ASTN2: variants seen among roughly 807,000 people sequenced by gnomAD.
ASTN2 encodes astrotactin-2.
ASTN2 carries 54 observed loss-of-function variants against 139.8 expected under a neutral mutation model. The ratio of observed to expected loss-of-function variants is 0.39; its 90% CI spans 0.31 to 0.48. The LOEUF (loss-of-function observed/expected upper bound fraction) is 0.48. Ranked by LOEUF, ASTN2 falls within the 20% of genes least tolerant of loss-of-function variation. The pLI is 0.95. For synonymous variants in ASTN2, 756 were observed against 719.5 expected (o/e 1.05, Z -0.81); for missense variants, 1,565 against 1,725.1 (o/e 0.91, Z 1.64).
chr9:117,124,328 T>C (rs1321289730), intron 4 of ASTN2, among the ~76,000 whole-genome samples: 1 of 152,146 alleles, frequency 6.6e-6, no homozygotes, highest in Non-Finnish European at 1.5e-5. Context: ...ATTCCTGAAT[T>C]TCATTTAAGG....
intron 13 of ASTN2, among the ~76,000 whole-genome samples, chr9:116,782,477 CA>C (rs1479348019): frequency 3.3e-5 from 5 of 152,158 alleles, no homozygotes; most frequent in Non-Finnish European, 5.9e-5. Context: ...CCCCCTGGCC[CA>C]ACCTAAGAGT....
At chr9:116,543,492 C>G (rs896076571) in intron 19 of ASTN2, among the ~76,000 whole-genome samples, 1 of 151,026 alleles carries the variant, frequency 6.6e-6, no homozygotes, top group Non-Finnish European at 1.5e-5. Context: ...TCATGGTGTA[C>G]AGTAGTTTTG....
chr9:116,605,629 T>G (rs151057967), intron 19 of ASTN2, among the ~76,000 whole-genome samples: 2 of 152,132 alleles, frequency 1.3e-5, no homozygotes, highest in East Asian at 3.9e-4. Context: ...ACTTTAGGGA[T>G]TCACAGAAGC....
chr9:117,376,781 G>C (rs1830136252), intron 1 of ASTN2, among the ~76,000 whole-genome samples: 2 of 152,154 alleles, frequency 1.3e-5, no homozygotes, highest in South Asian at 4.1e-4. Flanking sequence ...TGCCTGTGTG[G>C]TGTCCAACAT....
chr9:116,716,981 G>A (rs10983316), intron 16 of ASTN2, among the ~76,000 whole-genome samples: 2,337 of 152,324 alleles, frequency 0.015, 28 homozygotes, highest in Non-Finnish European at 0.024. Context: ...GCTGTGGTAT[G>A]ACTGAACCAA....
chr9:116,473,324 C>T (rs946596977), intron 20 of ASTN2, among the ~76,000 whole-genome samples: 6 of 152,156 alleles, frequency 3.9e-5, no homozygotes, highest in African/African-American at 1.4e-4. Context: ...ACCATGGTTT[C>T]TAAAACCTAT....
At chr9:116,852,625 G>A (rs981564082) in intron 11 of ASTN2, among the ~76,000 whole-genome samples, 1 of 151,994 alleles carries the variant, frequency 6.6e-6, no homozygotes, top group African/African-American at 2.4e-5. Flanking sequence ...GAGAGAAGCT[G>A]GAGAATACAG....
intron 3 of ASTN2, among the ~76,000 whole-genome samples, chr9:117,156,124 C>G (rs954297489): frequency 6.6e-6 from 1 of 151,982 alleles, no homozygotes; most frequent in East Asian, 1.9e-4. Flanking sequence ...AGTACTAGCA[C>G]CACTTCTAAT....
At chr9:116,617,762 G>A (rs1009913966) in intron 19 of ASTN2, among the ~76,000 whole-genome samples, 1 of 152,228 alleles carries the variant, frequency 6.6e-6, no homozygotes, top group Non-Finnish European at 1.5e-5. Flanking sequence ...ACAGATCACA[G>A]GTGAACGCTT....
At chr9:116,913,535 T>C (rs1468462223) in intron 10 of ASTN2, among the ~76,000 whole-genome samples, 1 of 152,212 alleles carries the variant, frequency 6.6e-6, no homozygotes, top group Admixed American at 6.5e-5. Flanking sequence ...AAGGATGATT[T>C]GGGCATGCTG....
rs752818726 is a variant in ASTN2 at position 116,502,722 on chromosome 9, GGAAGGAAGGAAT to G, written c.3356-15234_3356-15223del. Among the ~76,000 whole-genome samples the G allele has an allele frequency of 4.5e-4, 31 of 68,178 alleles. 2 individuals are homozygous for G. Among genetic ancestry groups the G allele is most frequent in the South Asian group, 1.9e-3 (4 of 2,072 alleles). The allele number at this position is 68,178 out of a possible 152,430, so 44.7% of individuals were successfully genotyped here. A position where few individuals can be genotyped will look rare whatever the true frequency, so the allele number is the denominator to read the frequency against. ...AGGAAGGAAGGAAGGAAGGAAGGAA[GGAAGGAAGGAAT>G]GAATGAATGAATGAGGGAAGGAAGG... On this transcript the variant is annotated intron_variant, in intron 19 of 22. Transcript: ENST00000313400.
chr9:116,480,533 C>T (rs2119054324), intron 20 of ASTN2, among the ~76,000 whole-genome samples: 1 of 152,218 alleles, frequency 6.6e-6, no homozygotes. Context: ...GACCTTGGTC[C>T]AATGTCCTTC....
At chr9:117,316,862 C>T (rs1008341985) in intron 1 of ASTN2, among the ~76,000 whole-genome samples, 14 of 152,170 alleles carry the variant, frequency 9.2e-5, no homozygotes, top group Admixed American at 5.2e-4. Flanking sequence ...TTGGTCTGGG[C>T]CCAACGAAGG....
At chr9:116,516,015 G>A (rs1367981217) in intron 19 of ASTN2, among the ~76,000 whole-genome samples, 3 of 152,152 alleles carry the variant, frequency 2.0e-5, no homozygotes, top group Non-Finnish European at 4.4e-5. Flanking sequence ...TGTTGGTGCT[G>A]GTTTGAGGAC....
At chr9:116,802,918 C>T (rs1266205877) in intron 13 of ASTN2, among the ~76,000 whole-genome samples, 1 of 152,210 alleles carries the variant, frequency 6.6e-6, no homozygotes, top group Non-Finnish European at 1.5e-5. Context: ...AGGCACTATT[C>T]TTTGCTATCA....
chr9:116,906,262 G>T (rs1402437115), intron 10 of ASTN2, among the ~76,000 whole-genome samples: 1 of 152,162 alleles, frequency 6.6e-6, no homozygotes, highest in African/African-American at 2.4e-5. Context: ...CACACTTGAG[G>T]ACCAAATCCT....
At chr9:117,315,014 T>C (rs1014047215) in intron 1 of ASTN2, among the ~76,000 whole-genome samples, 152 of 148,404 alleles carry the variant, frequency 1.0e-3, no homozygotes, top group African/African-American at 3.5e-3. Flanking sequence ...ACTTAATATA[T>C]ATAAATATAT....
At chr9:117,089,179 T>C (rs1228695066) in intron 5 of ASTN2, among the ~76,000 whole-genome samples, 1 of 152,190 alleles carries the variant, frequency 6.6e-6, no homozygotes, top group Non-Finnish European at 1.5e-5. Flanking sequence ...TGACATATGA[T>C]GTAAATATCC....
intron 5 of ASTN2, among the ~76,000 whole-genome samples, chr9:117,086,324 C>T (rs1023675039): frequency 1.3e-5 from 2 of 152,152 alleles, no homozygotes; most frequent in South Asian, 4.1e-4. Flanking sequence ...CCTGTAATCC[C>T]AGCACTTTGG....
Sources: gnomAD v4.1 joint callset for allele counts (sites outside exome capture counted in the v4.1 genomes callset) on GRCh38, gnomAD v4.1.1 for gene constraint, MANE v1.5 for transcripts, NCBI Gene and HGNC (gene_info 2026-07-23, HGNC 2026-07-21) for gene names.